Variants in INPP4B observed in about 807,000 individuals in gnomAD.
INPP4B encodes the protein inositol polyphosphate 4-phosphatase type II.
INPP4B carries 55 observed loss-of-function variants against 122.5 expected under a neutral mutation model. The observed-to-expected ratio is 0.45, with a 90% CI of 0.36 to 0.56. The LOEUF (loss-of-function observed/expected upper bound fraction) is 0.56, where lower values mean the gene tolerates loss of function less well. Among genes scored for constraint, INPP4B ranks in the 20% least tolerant of loss-of-function variants. The probability of loss-of-function intolerance (pLI) is 0.00; values close to 1 mark genes in which losing one functional copy is unlikely to be tolerated. For missense variants in INPP4B, 1,000 were observed against 1,097.7 expected (o/e 0.91, Z 1.26); for synonymous variants, 403 against 388.7 (o/e 1.04, Z -0.43).
At chr4:142,396,821 T>C (rs1401540869) in intron 7 of INPP4B, among the ~76,000 whole-genome samples, 1 of 152,052 alleles carries the variant, frequency 6.6e-6, no homozygotes, top group East Asian at 1.9e-4. Context: ...AAAAACACGT[T>C]GAAGAAAAGA....
At chr4:142,676,131 TAAGC>T (rs917765851) in intron 2 of INPP4B, among the ~76,000 whole-genome samples, 97 of 152,290 alleles carry the variant, frequency 6.4e-4, no homozygotes, top group African/African-American at 2.3e-3. Flanking sequence ...CTTAAGCTGA[TAAGC>T]AACTTCAGCA....
chr4:142,287,849 A>T (rs1188378358), intron 9 of INPP4B, among the ~76,000 whole-genome samples: 2 of 151,904 alleles, frequency 1.3e-5, no homozygotes, highest in Non-Finnish European at 2.9e-5. Context: ...TGAAGAACTT[A>T]AAAAAACAGA....
intron 2 of INPP4B, among the ~76,000 whole-genome samples, chr4:142,722,918 A>G (rs1764870768): frequency 6.6e-6 from 1 of 152,166 alleles, no homozygotes; most frequent in Admixed American, 6.5e-5. Flanking sequence ...TTGTTATTAT[A>G]GTAGGTATGT....
intron 2 of INPP4B, among the ~76,000 whole-genome samples, chr4:142,616,096 G>A (rs756813180): frequency 1.1e-4 from 16 of 151,980 alleles, no homozygotes; most frequent in Non-Finnish European, 1.6e-4. Context: ...GACAAGGTGA[G>A]GGGCAGAACT....
chr4:142,784,442 C>T (rs1025701066), intron 1 of INPP4B, among the ~76,000 whole-genome samples: 14 of 151,394 alleles, frequency 9.2e-5, no homozygotes, highest in African/African-American at 3.4e-4. Context: ...TTTATACCAA[C>T]CAGAAAACTG....
chr4:142,220,387 C>T (rs1848894348), intron 12 of INPP4B, among the ~76,000 whole-genome samples: 1 of 152,156 alleles, frequency 6.6e-6, no homozygotes, highest in African/African-American at 2.4e-5. Context: ...AGCCAACCAA[C>T]ATAACAAAAT....
At chr4:142,312,701 CACA>C (rs1285881926) in intron 8 of INPP4B, among the ~76,000 whole-genome samples, 3 of 152,132 alleles carry the variant, frequency 2.0e-5, no homozygotes, top group African/African-American at 7.2e-5. Flanking sequence ...TGGTAGATCT[CACA>C]ACAAGTGGTT....
intron 1 of INPP4B, among the ~76,000 whole-genome samples, chr4:142,841,351 A>G (rs1448088568): frequency 6.6e-6 from 1 of 151,996 alleles, no homozygotes; most frequent in Non-Finnish European, 1.5e-5. Context: ...TTCTAATGGC[A>G]AGAGCTCATC....
intron 2 of INPP4B, among the ~76,000 whole-genome samples, chr4:142,638,546 C>CT (rs3080813): frequency 0.23 from 30,681 of 134,072 alleles, 5,366 homozygotes; most frequent in African/African-American, 0.47. Context: ...TGTCTATTCT[C>CT]TTTTTTTTTT....
intron 2 of INPP4B, among the ~76,000 whole-genome samples, chr4:142,552,175 C>A (rs990786420): frequency 3.9e-5 from 6 of 152,056 alleles, no homozygotes; most frequent in African/African-American, 1.2e-4. Context: ...GGCAGAAAAC[C>A]AAGTGTAAGA....
chr4:142,038,764 C>T (rs977434042), intron 25 of INPP4B, among the ~76,000 whole-genome samples: 8 of 152,078 alleles, frequency 5.3e-5, no homozygotes, highest in African/African-American at 1.2e-4. Flanking sequence ...TAGTGTAAGG[C>T]GTAGGCTGCC....
At chr4:142,448,489 T>C (rs1813429987) in intron 3 of INPP4B, among the ~76,000 whole-genome samples, 1 of 152,160 alleles carries the variant, frequency 6.6e-6, no homozygotes, top group African/African-American at 2.4e-5. Context: ...TTTCACAATG[T>C]CAAATCACTT....
intron 17 of INPP4B, among the ~76,000 whole-genome samples, chr4:142,146,415 C>CAT (rs1052807626): frequency 7.2e-5 from 11 of 151,806 alleles, no homozygotes; most frequent in South Asian, 2.1e-4. Flanking sequence ...GTTATATATA[C>CAT]ATATATATAT....
chr4:142,192,836 A>G (rs971339053), intron 15 of INPP4B, among the ~76,000 whole-genome samples: 3 of 152,160 alleles, frequency 2.0e-5, no homozygotes, highest in Admixed American at 2.0e-4. Flanking sequence ...CTAGAATATC[A>G]CCCCTTAGTC....
intron 1 of INPP4B, among the ~76,000 whole-genome samples, chr4:142,824,724 CA>C (rs1183285119): frequency 6.6e-6 from 1 of 151,632 alleles, no homozygotes; most frequent in Non-Finnish European, 1.5e-5. Flanking sequence ...GCCTCTCTCT[CA>C]AAAAGATGGT....
intron 22 of INPP4B, among the ~76,000 whole-genome samples, chr4:142,108,839 A>G (rs528412898): frequency 1.1e-4 from 17 of 152,294 alleles, no homozygotes; most frequent in Non-Finnish European, 2.1e-4. Context: ...TCCCAAGTTC[A>G]AAGGTAAAAC....
chr4:142,803,799 T>G (rs576492846), intron 1 of INPP4B, among the ~76,000 whole-genome samples: 1 of 152,084 alleles, frequency 6.6e-6, no homozygotes, highest in African/African-American at 2.4e-5. Context: ...GTAAAAATCC[T>G]TGAGAAAATC....
intron 2 of INPP4B, among the ~76,000 whole-genome samples, chr4:142,570,166 T>C (rs1181101181): frequency 3.3e-5 from 5 of 152,122 alleles, no homozygotes; most frequent in African/African-American, 1.2e-4. Context: ...ACATTGCTTC[T>C]TTATGTATTT....
At chr4:142,689,361 TTGGG>T (rs1759826572) in intron 2 of INPP4B, among the ~76,000 whole-genome samples, 1 of 152,146 alleles carries the variant, frequency 6.6e-6, no homozygotes, top group South Asian at 2.1e-4. Flanking sequence ...TACATGTTTG[TTGGG>T]TATGGACTAG....
Sources: gnomAD v4.1 joint callset for allele counts (sites outside exome capture counted in the v4.1 genomes callset) on GRCh38, gnomAD v4.1.1 for gene constraint, MANE v1.5 for transcripts, NCBI Gene and HGNC (gene_info 2026-07-23, HGNC 2026-07-21) for gene names.